The following REG3A variants were observed in gnomAD, a reference collection of about 807,000 sequenced individuals.
REG3A encodes the protein regenerating family member 3 alpha.
In REG3A, 15 loss-of-function variants were observed where a neutral mutation model predicts 20.5. The observed-to-expected ratio is 0.73, with a 90% CI of 0.49 to 1.12. The LOEUF (loss-of-function observed/expected upper bound fraction) is 1.12. Ranked by LOEUF, REG3A falls within the 50% of genes most tolerant of loss-of-function variation. REG3A has a pLI of 0.00. For synonymous variants in REG3A, 93 were observed against 83.2 expected (o/e 1.12, Z -0.64); for missense variants, 224 against 213.1 (o/e 1.05, Z -0.32).
chr2:79,158,859 G>A lies in REG3A; in HGVS notation c.77-90C>T, dbSNP rs1231221281. On this transcript the variant is annotated intron_variant, in intron 2 of 5. Coordinates refer to ENST00000305165, the MANE Select transcript of REG3A (RefSeq NM_002580.3). The stretch of plus-strand genomic sequence containing the variant: ...GGGGAATACCTAGGAATGTCCTTGG[G>A]GAGGAAGACCACATTCCTGACACCC... 5.1e-6 allele frequency: 5 copies of A among 974,856 alleles called. No homozygotes were observed. In the African/African-American group the frequency reaches 8.2e-5, roughly 16 times the overall value. 60.4% of individuals were successfully genotyped at this position (974,856 alleles called of 1,614,324 possible). A position where few individuals can be genotyped will look rare whatever the true frequency, so the allele number is the denominator to read the frequency against.
chr2:79,157,678 T>C lies in REG3A; in HGVS notation c.354A>G (p.Glu118=). 2 of 1,614,052 alleles carry C rather than the reference T, an allele frequency of 1.2e-6. No homozygotes were observed. Among genetic ancestry groups the C allele is most frequent in the Non-Finnish European group, 1.7e-6 (2 of 1,179,968 alleles). ...CATCACTGCTACTCCACTCCCAACC[T>C]TCTCCATTGGGCTCGGTGCCCTGTA... ...DPTQGTEPNG[E]GWEWSSSDVM... Residue 118 remains glutamate (E), a synonymous_variant, in exon 5 of 6, where the codon GAA becomes GAG. Coordinates refer to ENST00000305165, the MANE Select transcript of REG3A (RefSeq NM_002580.3).
At chr2:79,158,907 A>G (rs979381741) in intron 2 of REG3A, 138 bp from the exon 3 acceptor site, 12 of 666,244 alleles carry the variant, frequency 1.8e-5, no homozygotes, top group Non-Finnish European at 2.8e-5. Flanking sequence ...TTATGTTTTC[A>G]GAAATTCTTT....
At position 79,158,733 on chromosome 2, in the gene REG3A, A is replaced by T. The variant is rs190379872; in HGVS notation, c.113T>A (p.Ile38Asn). The change falls in exon 3 of 6, where the codon ATC becomes AAC. Residue 38 changes from isoleucine to asparagine, a missense_variant. Ile to Asn is a moderately radical substitution (Grantham distance 149). Transcript: ENST00000305165. ...GGCCTTGGAGCCTTTGGGACAGCGG[A>T]TCCGTGCAGAGGGCAGTTCCCTCTG... The part of the protein sequence containing the change: ...EPQRELPSAR[I>N]RCPKGSKAYG... The T allele has an allele frequency of 1.5e-4, 241 of 1,613,924 alleles. No individual in the cohort carries two copies. Among genetic ancestry groups the T allele is most frequent in the Admixed American group, 1.4e-3 (83 of 60,004 alleles).
chr2:79,158,171 T>A (rs896681795), intron 4 of REG3A, among the ~76,000 whole-genome samples, 155 bp downstream of exon 4: 1 of 152,196 alleles, frequency 6.6e-6, no homozygotes, highest in African/African-American at 2.4e-5. Context: ...GATCTTCAGA[T>A]GCTTCATGGC....
At position 79,158,786 on chromosome 2, in the gene REG3A, G is replaced by A. The variant is rs779485360; in HGVS notation, c.77-17C>T. 1.1e-5 allele frequency: 17 copies of A among 1,598,988 alleles called. No homozygotes were observed. The highest frequency in any genetic ancestry group is 4.4e-5 in the South Asian group (4 of 90,494). On this transcript the variant is annotated splice_polypyrimidine_tract_variant and intron_variant, in intron 2 of 5. Transcript: ENST00000305165. ...GTTCTTCACCTGAGGTGGAAGAAGAGGGGGGAGGGTAAAATGAAGAGTGGG... is the reference window on the plus strand; with the variant it reads ...GTTCTTCACCTGAGGTGGAAGAAGAAGGGGGAGGGTAAAATGAAGAGTGGG...
At chr2:79,157,779 A>T in intron 4 of REG3A, 81 bp from the exon 5 acceptor site, 9 of 1,533,038 alleles carry the variant, frequency 5.9e-6, no homozygotes, top group Non-Finnish European at 7.0e-6. Flanking sequence ...GCAACACCTG[A>T]TTTGCTCCCC....
chr2:79,157,793 A>G lies in REG3A; in HGVS notation c.334-95T>C, dbSNP rs1022000052. 5.1e-5 allele frequency: 76 copies of G among 1,503,852 alleles called. No homozygotes were observed. The African/African-American group carries it at 9.6e-4, about 19-fold the overall frequency. The allele number at this position is 1,503,852 out of a possible 1,614,324, so 93.2% of individuals were successfully genotyped here. A position where few individuals can be genotyped will look rare whatever the true frequency, so the allele number is the denominator to read the frequency against. The stretch of plus-strand genomic sequence containing the variant: ...TGCAACACCTGATTTGCTCCCCAGC[A>G]TGAGGAAAGTTGGTCTGCTATTCCA... On this transcript the variant is annotated intron_variant, in intron 4 of 5. Coordinates refer to ENST00000305165, the MANE Select transcript of REG3A (RefSeq NM_002580.3).
Position 79,157,132 on chromosome 2 carries a change from A to C in REG3A, c.*94T>G. The stretch of plus-strand genomic sequence containing the variant: ...ATGAGGTGGTCAGGTTGGGGGAATT[A>C]AGCGAATATTCTCTTCCAGGGTGAG... On this transcript the variant is annotated 3_prime_UTR_variant, in exon 6 of 6. Transcript: ENST00000305165. 1 of 949,878 alleles carries C rather than the reference A, an allele frequency of 1.1e-6. No homozygotes were observed. Among genetic ancestry groups the C allele is most frequent in the Non-Finnish European group, 1.7e-6 (1 of 583,086 alleles). The allele number at this position is 949,878 out of a possible 1,614,324, so 58.8% of individuals were successfully genotyped here. A position where few individuals can be genotyped will look rare whatever the true frequency, so the allele number is the denominator to read the frequency against.
chr2:79,157,074 C>A lies in REG3A; in HGVS notation c.*152G>T, dbSNP rs541195784. 2 of 660,856 alleles carry A rather than the reference C, an allele frequency of 3.0e-6. No homozygotes were observed. The highest frequency in any genetic ancestry group is 5.1e-5 in the Admixed American group (2 of 39,140). 40.9% of individuals were successfully genotyped at this position (660,856 alleles called of 1,614,324 possible). A position where few individuals can be genotyped will look rare whatever the true frequency, so the allele number is the denominator to read the frequency against. ...TGACAAAATGAAGAGACTGAAATGA[C>A]AGCGGGGAGGAAGAAACAGAAGAAA... is the stretch of plus-strand genomic sequence containing the variant. On this transcript the variant is annotated 3_prime_UTR_variant, in exon 6 of 6. Coordinates refer to ENST00000305165, the MANE Select transcript of REG3A (RefSeq NM_002580.3).
Position 79,159,375 on chromosome 2 carries a change from A to T in REG3A, c.31T>A (p.Ser11Thr), listed in dbSNP as rs779530381. 9.5e-5 allele frequency: 154 copies of T among 1,613,756 alleles called. 1 individual carries two copies. In the Admixed American group the frequency reaches 2.5e-3, roughly 27 times the overall value. ...ATGAGGCAGGAAAGCAGCATCCAAG[A>T]TACACTGGGCAGGGCCATGGGAGGC... The part of the protein sequence containing the change: MLPPMALPSV[S>T]WMLLSCLMLL... The change falls in exon 2 of 6, where the codon TCT becomes ACT. Residue 11 changes from serine to threonine, a missense_variant. Coordinates refer to ENST00000305165, the MANE Select transcript of REG3A (RefSeq NM_002580.3).
At position 79,158,394 on chromosome 2, in the gene REG3A, A is replaced by G. The variant is rs1175749117; in HGVS notation, c.265T>C (p.Ser89Pro). The G allele has an allele frequency of 1.2e-6, 2 of 1,614,162 alleles. No homozygotes were observed. Among genetic ancestry groups the G allele is most frequent in the South Asian group, 1.1e-5 (1 of 91,080 alleles). The change falls in exon 4 of 6, where the codon TCC becomes CCC. Residue 89 changes from serine to proline, a missense_variant. Ser to Pro is a moderately conservative substitution (Grantham distance 74). Transcript: ENST00000305165. ...VLSGAEGSFV[S>P]SLVKSIGNSY... ...TTACCAATGCTCTTCACCAGGGAGG[A>G]CACGAAGGATCCCTCAGCCCCACTG...
intron 5 of REG3A, 138 bp downstream of exon 5, chr2:79,157,434 A>G: frequency 1.4e-6 from 2 of 1,460,900 alleles, no homozygotes; most frequent in Non-Finnish European, 1.9e-6. Context: ...AGATTCAAAG[A>G]AAGTGGAGAA....
chr2:79,157,312 T>C lies in REG3A; in HGVS notation c.461-19A>G, dbSNP rs752620292. Reference sequence around the variant, plus strand: ...AGAAATGCTGGAGAGACAGAAGACATAAATGGAATGGGGCTGAGGAAGCTT... The same window carrying C: ...AGAAATGCTGGAGAGACAGAAGACACAAATGGAATGGGGCTGAGGAAGCTT... On this transcript the variant is annotated intron_variant, in intron 5 of 5. Coordinates refer to ENST00000305165, the MANE Select transcript of REG3A (RefSeq NM_002580.3). The C allele has an allele frequency of 5.6e-6, 9 of 1,609,472 alleles. No individual in the cohort carries two copies. The highest frequency in any genetic ancestry group is 7.7e-6 in the Non-Finnish European group (9 of 1,175,928).
rs1314633974 is a variant in REG3A, at chr2:79,158,247, C to T, written c.333+79G>A. 13 of 1,509,018 alleles carry T rather than the reference C, an allele frequency of 8.6e-6. No individual in the cohort carries two copies. The East Asian group carries it at 2.7e-4, about 32-fold the overall frequency. The allele number at this position is 1,509,018 out of a possible 1,614,324, so 93.5% of individuals were successfully genotyped here. The stretch of plus-strand genomic sequence containing the variant: ...AGTGCTCCCTGAAGTACTTCCTGGG[C>T]AGGCACAGGGGACAGGGAGTGGGCC... On this transcript the variant is annotated intron_variant, in intron 4 of 5. Coordinates refer to ENST00000305165, the MANE Select transcript of REG3A (RefSeq NM_002580.3).
chr2:79,158,683 A>G lies in REG3A; in HGVS notation c.163T>C (p.Phe55Leu). The change falls in exon 3 of 6, where the codon TTT becomes CTT. Residue 55 changes from phenylalanine to leucine, a missense_variant. Coordinates refer to ENST00000305165, the MANE Select transcript of REG3A (RefSeq NM_002580.3). The part of the protein sequence containing the change: ...KAYGSHCYAL[F>L]LSPKSWTDAD... ...TCTGTCCAGGATTTTGGTGACAAAA[A>G]CAAGGCATAGCAGTGGGAGCCATAG... 6.2e-7 allele frequency: 1 copy of G among 1,614,164 alleles called. No individual in the cohort carries two copies. The highest frequency in any genetic ancestry group is 8.5e-7 in the Non-Finnish European group (1 of 1,180,014).
chr2:79,158,796 TA>T, intron 2 of REG3A, 27 bp from the exon 3 acceptor site: 1 of 1,563,996 alleles, frequency 6.4e-7, no homozygotes, highest in Non-Finnish European at 8.8e-7. Flanking sequence ...GGGGGGAGGG[TA>T]AAATGAAGAG....
Position 79,157,674 on chromosome 2 carries a change from A to T in REG3A, c.358T>A (p.Trp120Arg). The change falls in exon 5 of 6, where the codon TGG becomes AGG. Residue 120 changes from tryptophan to arginine, a missense_variant. Transcript: ENST00000305165. ...ATCACATCACTGCTACTCCACTCCC[A>T]ACCTTCTCCATTGGGCTCGGTGCCC... ...TQGTEPNGEG[W>R]EWSSSDVMNY... 1 of 1,613,984 alleles carries T rather than the reference A, an allele frequency of 6.2e-7. No individual in the cohort carries two copies. Among genetic ancestry groups the T allele is most frequent in the African/African-American group, 1.3e-5 (1 of 74,984 alleles).
rs1382229507 is a variant in REG3A, at chr2:79,159,321, C to A, written c.76+9G>T. 4.3e-6 allele frequency: 7 copies of A among 1,613,724 alleles called. No homozygotes were observed. Among genetic ancestry groups the A allele is most frequent in the African/African-American group, 4.0e-5 (3 of 74,836 alleles). Reference sequence around the variant, plus strand: ...AGGGAACCCAGTGCTAGAGGCAAAGCAATCTCACCTTGAACCTGAGACAGC... The same window carrying A: ...AGGGAACCCAGTGCTAGAGGCAAAGAAATCTCACCTTGAACCTGAGACAGC... On this transcript the variant is annotated intron_variant, in intron 2 of 5. Transcript: ENST00000305165.
intron 2 of REG3A, 196 bp from the exon 3 acceptor site, chr2:79,158,965 C>T (rs891066152): frequency 1.7e-6 from 1 of 598,808 alleles, no homozygotes; most frequent in Non-Finnish European, 3.0e-6. Flanking sequence ...TCTCTTATTA[C>T]CCTTTCCCCT....
Sources: gnomAD v4.1 joint callset for allele counts (sites outside exome capture counted in the v4.1 genomes callset) on GRCh38, gnomAD v4.1.1 for gene constraint, MANE v1.5 for transcripts, NCBI Gene and HGNC (gene_info 2026-07-23, HGNC 2026-07-21) for gene names.